HELQ: variants seen among roughly 807,000 people sequenced by gnomAD.
HELQ encodes helicase, POLQ like.
Under a neutral mutation model 111.6 loss-of-function variants are expected in HELQ, and 77 were observed. That is an observed-to-expected ratio of 0.69 (90% CI 0.57 to 0.83). The LOEUF (loss-of-function observed/expected upper bound fraction) is 0.83. HELQ is among the 40% of genes least tolerant of loss of function. HELQ has a pLI of 0.00. For missense variants in HELQ, 1,200 were observed against 1,288.5 expected (o/e 0.93, Z 1.05); for synonymous variants, 438 against 454.7 (o/e 0.96, Z 0.47).
At chr4:83,444,018 T>C (rs1212621718) in intron 5 of HELQ, among the ~76,000 whole-genome samples, 1 of 152,092 alleles carries the variant, frequency 6.6e-6, no homozygotes, top group Non-Finnish European at 1.5e-5. Context: ...GCACTGCAGC[T>C]TGGGCAACAG....
At position 83,432,570 on chromosome 4, in the gene HELQ, C is replaced by T. The variant is rs142514583; in HGVS notation, c.2049-303G>A. On this transcript the variant is annotated intron_variant, in intron 9 of 17. Transcript: ENST00000295488. ...AATTACCAGAGCTATCATTTGAACT[C>T]AAGTCTGCCCAGCTGCAATGCCTAT... Among the ~76,000 whole-genome samples the T allele has an allele frequency of 3.8e-3, 580 of 152,298 alleles. 4 individuals are homozygous for T. The highest frequency in any genetic ancestry group is 0.013 in the African/African-American group (551 of 41,560).
At chr4:83,430,000 G>A (rs4235062) in intron 11 of HELQ, among the ~76,000 whole-genome samples, 92,263 of 151,670 alleles carry the variant, frequency 0.61, 29,168 homozygotes, top group African/African-American at 0.77. Flanking sequence ...AACTCCTTTG[G>A]ATAGATCTTT....
intron 5 of HELQ, among the ~76,000 whole-genome samples, chr4:83,445,100 G>A (rs1720983160): frequency 6.6e-6 from 1 of 152,218 alleles, no homozygotes; most frequent in Admixed American, 6.5e-5. Context: ...GATAGAATAT[G>A]TAGGACCCTG....
intron 17 of HELQ, 26 bp downstream of exon 17, chr4:83,416,705 G>A: frequency 6.2e-7 from 1 of 1,608,250 alleles, no homozygotes. Flanking sequence ...AGATTATTAA[G>A]GTTAAAAAAT....
At chr4:83,455,360 CA>C in intron 1 of HELQ, 36 bp downstream of exon 1, 1 of 1,596,796 alleles carries the variant, frequency 6.3e-7, no homozygotes, top group African/African-American at 1.3e-5. Context: ...GGAAGGATGC[CA>C]AAAGTTTGCA....
chr4:83,450,901 C>T (rs1368449760), intron 2 of HELQ, among the ~76,000 whole-genome samples: 3 of 152,048 alleles, frequency 2.0e-5, no homozygotes, highest in Non-Finnish European at 4.4e-5. Flanking sequence ...GGGAGGTTGA[C>T]GCTGTAGTGA....
At chr4:83,412,562 C>T (rs1481699154) in intron 17 of HELQ, among the ~76,000 whole-genome samples, 1 of 152,156 alleles carries the variant, frequency 6.6e-6, no homozygotes, top group African/African-American at 2.4e-5. Context: ...TGCAGTGGCT[C>T]ATGTTGTAAT....
At chr4:83,446,780 T>C in intron 4 of HELQ, 55 bp downstream of exon 4, 1 of 1,064,546 alleles carries the variant, frequency 9.4e-7, no homozygotes, top group Non-Finnish European at 1.4e-6. Flanking sequence ...ATAACCAGAA[T>C]AATAAATATT....
At chr4:83,416,217 G>A (rs974376587) in intron 17 of HELQ, among the ~76,000 whole-genome samples, 2 of 151,908 alleles carry the variant, frequency 1.3e-5, no homozygotes, top group African/African-American at 4.8e-5. Flanking sequence ...CAAAGTGCTG[G>A]GATTACAGGC....
At chr4:83,432,098 ACAAC>A in intron 10 of HELQ, 24 bp downstream of exon 10, 3 of 1,525,514 alleles carry the variant, frequency 2.0e-6, no homozygotes, top group Admixed American at 2.2e-5. Context: ...AAAGACAAAA[ACAAC>A]CAACCAACCA....
chr4:83,455,035 A>C (rs970524480), intron 1 of HELQ, among the ~76,000 whole-genome samples: 8 of 152,218 alleles, frequency 5.3e-5, no homozygotes, highest in Non-Finnish European at 1.2e-4. Flanking sequence ...GAACTGTACT[A>C]TCTCAACTTT....
intron 17 of HELQ, among the ~76,000 whole-genome samples, chr4:83,411,352 G>A (rs1286199319): frequency 3.3e-5 from 5 of 151,134 alleles, no homozygotes; most frequent in South Asian, 4.2e-4. Context: ...TGGCTCACTC[G>A]TAATCCCAGC....
At chr4:83,448,194 A>C (rs770978424) in intron 3 of HELQ, among the ~76,000 whole-genome samples, 6 of 152,052 alleles carry the variant, frequency 3.9e-5, no homozygotes, top group Non-Finnish European at 5.9e-5. Context: ...TGGGCGACAG[A>C]GGGAGACTAC....
chr4:83,418,119 G>C lies in HELQ; in HGVS notation c.3037C>G (p.Leu1013Val), dbSNP rs1056575111. The C allele has an allele frequency of 6.2e-7, 1 of 1,604,644 alleles. No individual in the cohort carries two copies. The highest frequency in any genetic ancestry group is 8.5e-7 in the Non-Finnish European group (1 of 1,174,466). The change falls in exon 16 of 18, where the codon CTC becomes GTC. Residue 1013 changes from leucine to valine, a missense_variant. Physicochemically the swap from Leu to Val is conservative, Grantham distance 32. Around this residue, in one of 3 missense-constraint regions of HELQ, gnomAD observed 585 missense variants for 665.3 expected, o/e 0.88. Transcript: ENST00000295488. ...TYCVKAELIP[L>V]MEVTGVLEGR... ...TCTAAAACTCCAGTAACTTCCATGA[G>C]AGGGATTAATTCTGCCTTTACACAG...
In HELQ at chr4:83,442,602, G is replaced by C. The variant is rs571768250; in HGVS notation, c.1563+915C>G. Among the ~76,000 whole-genome samples the C allele has an allele frequency of 3.2e-3, 487 of 150,188 alleles. 3 individuals carry two copies. Among genetic ancestry groups the C allele is most frequent in the Admixed American group, 4.1e-3 (62 of 15,192 alleles). ...AATTTTTGTATTTTTTAGTAGAGTCGGGGTTTCACCATGTTGGCCAGGATG... is the reference window on the plus strand; with the variant it reads ...AATTTTTGTATTTTTTAGTAGAGTCCGGGTTTCACCATGTTGGCCAGGATG... On this transcript the variant is annotated intron_variant, in intron 6 of 17. Transcript: ENST00000295488.
At position 83,449,008 on chromosome 4, in the gene HELQ, T is replaced by G. The variant is rs777872021; in HGVS notation, c.1013-47A>C. 1.2e-5 allele frequency: 17 copies of G among 1,396,760 alleles called. No individual in the cohort carries two copies. The East Asian group carries it at 2.2e-4, about 18-fold the overall frequency. 86.5% of individuals were successfully genotyped at this position (1,396,760 alleles called of 1,614,324 possible). On this transcript the variant is annotated intron_variant, in intron 2 of 17. Coordinates refer to ENST00000295488, the MANE Select transcript of HELQ (RefSeq NM_133636.5). ...GGCATTATTTTCCCCTTCCAAACTT[T>G]GAAACTCAAAAGTTTTCTAAGAAAA...
At chr4:83,452,703 C>G (rs1361050970) in intron 2 of HELQ, among the ~76,000 whole-genome samples, 1 of 152,066 alleles carries the variant, frequency 6.6e-6, no homozygotes, top group Non-Finnish European at 1.5e-5. Flanking sequence ...ACAAGAATTT[C>G]AAGAAGGGTG....
chr4:83,434,191 C>T (rs1029242881), intron 9 of HELQ, among the ~76,000 whole-genome samples: 2 of 150,678 alleles, frequency 1.3e-5, no homozygotes, highest in Non-Finnish European at 1.5e-5. Context: ...GCCAACATGG[C>T]GAAACCCCGA....
intron 3 of HELQ, among the ~76,000 whole-genome samples, chr4:83,447,716 G>A (rs914808684): frequency 4.0e-5 from 6 of 151,540 alleles, no homozygotes; most frequent in South Asian, 2.1e-4. Context: ...AAAATTAGCC[G>A]GGCGTGGTGG....
Sources: gnomAD v4.1 joint callset for allele counts (sites outside exome capture counted in the v4.1 genomes callset) on GRCh38, gnomAD v4.1.1 for gene constraint, gnomAD v4.1.1 regional missense constraint, MANE v1.5 for transcripts, NCBI Gene and HGNC (gene_info 2026-07-23, HGNC 2026-07-21) for gene names.